Variants in RNMT observed in about 807,000 individuals in gnomAD.
The protein encoded by RNMT is mRNA cap guanine-N(7) methyltransferase.
RNMT carries 27 observed loss-of-function variants against 56.0 expected under a neutral mutation model. The observed-to-expected ratio is 0.48, with a 90% CI of 0.36 to 0.67. RNMT has a LOEUF of 0.67. Ranked by LOEUF, RNMT falls within the 30% of genes least tolerant of loss-of-function variation. RNMT has a pLI of 0.00. For missense variants in RNMT, 519 were observed against 552.1 expected (o/e 0.94, Z 0.60); for synonymous variants, 184 against 176.2 (o/e 1.04, Z -0.35).
intron 7 of RNMT, among the ~76,000 whole-genome samples, chr18:13,741,919 T>C (rs1602014346): frequency 6.6e-6 from 1 of 152,348 alleles, no homozygotes; most frequent in Non-Finnish European, 1.5e-5. Flanking sequence ...GTTATAGTGA[T>C]AGACAAACTG....
Position 13,757,208 on chromosome 18 carries a change from G to C in RNMT, c.1394-2734G>C, listed in dbSNP as rs115581837. ...AGTGAATCTGAATCTTTTCTGCTTG[G>C]TGAAGGGTCTTTCCTCCATGGCGGA... On this transcript the variant is annotated intron_variant, in intron 11 of 11. Transcript: ENST00000383314. Among the ~76,000 whole-genome samples the C allele has an allele frequency of 8.0e-3, 1,224 of 152,198 alleles. 21 individuals are homozygous for C. The highest frequency in any genetic ancestry group is 0.028 in the African/African-American group (1,180 of 41,528).
intron 7 of RNMT, 83 bp from the exon 8 acceptor site, chr18:13,742,405 T>TC: frequency 1.5e-6 from 2 of 1,303,700 alleles, no homozygotes; most frequent in Non-Finnish European, 2.1e-6. Flanking sequence ...ATGTAGTTTT[T>TC]CACATGCATA....
intron 5 of RNMT, among the ~76,000 whole-genome samples, chr18:13,737,967 G>A (rs1251424164): frequency 1.3e-5 from 2 of 148,862 alleles, no homozygotes; most frequent in African/African-American, 5.0e-5. Flanking sequence ...TTTTTGCTAC[G>A]GAAGCCATTA....
intron 11 of RNMT, among the ~76,000 whole-genome samples, chr18:13,757,010 G>A (rs1568515748): frequency 6.6e-6 from 1 of 152,162 alleles, no homozygotes; most frequent in East Asian, 1.9e-4. Context: ...TTCAGTTCTA[G>A]ACCACCACAA....
intron 11 of RNMT, among the ~76,000 whole-genome samples, chr18:13,758,401 A>T (rs2044576584): frequency 2.0e-5 from 3 of 152,308 alleles, no homozygotes; most frequent in African/African-American, 7.2e-5. Context: ...TCTTAGCTAG[A>T]TCTTCTGCAT....
chr18:13,741,543 A>G lies in RNMT; in HGVS notation c.826A>G (p.Met276Val), dbSNP rs2149092220. ...LLIDKFRDPQ[M>V]CFDICSCQFV... ...GATTGACAAATTTCGTGACCCACAA[A>G]TGTGTTTTGACATCTGCAGTTGTCA... Residue 276 changes from methionine (M) to valine (V), a missense_variant, in exon 7 of 12, where the codon ATG (methionine) becomes GTG (valine). Physicochemically the swap from Met to Val is conservative, Grantham distance 21 (BLOSUM62 1). Transcript: ENST00000383314. 1 of 1,613,048 alleles carries G rather than the reference A, an allele frequency of 6.2e-7. No individual in the cohort carries two copies. The highest frequency in any genetic ancestry group is 8.5e-7 in the Non-Finnish European group (1 of 1,179,648).
At chr18:13,744,159 C>CTTTTTTTTTTTTTTT (rs201093998) in intron 8 of RNMT, among the ~76,000 whole-genome samples, 982 of 91,270 alleles carry the variant, frequency 0.011, 174 homozygotes, top group Non-Finnish European at 0.016. Flanking sequence ...TAGCGGTCTT[C>CTTTTTTTTTTTTTTT]TTTTTTTTTT....
At chr18:13,754,195 T>C (rs2044505104) in intron 11 of RNMT, 48 bp downstream of exon 11, 2 of 1,292,802 alleles carry the variant, frequency 1.5e-6, no homozygotes, top group Admixed American at 1.8e-5. Context: ...AAAAGTCCTG[T>C]TTCAAAGTGA....
chr18:13,731,113 A>C (rs1274099235), intron 2 of RNMT, among the ~76,000 whole-genome samples: 1 of 152,260 alleles, frequency 6.6e-6, no homozygotes, highest in Non-Finnish European at 1.5e-5. Flanking sequence ...AATTCTAGTT[A>C]AAATTATTTT....
Position 13,746,142 on chromosome 18 carries a change from T to A in RNMT, c.1140-78T>A, listed in dbSNP as rs796120264. The A allele has an allele frequency of 6.8e-6, 5 of 732,804 alleles. No homozygotes were observed. In the African/African-American group the frequency reaches 8.9e-5, roughly 13 times the overall value. The allele number at this position is 732,804 out of a possible 1,614,324, so 45.4% of individuals were successfully genotyped here. A position where few individuals can be genotyped will look rare whatever the true frequency, so the allele number is the denominator to read the frequency against. ...AGCTTTTTTAGTTAAGTCCAGAAGA[T>A]GTCATTGCTGTACAAAAGTAAGTTG... On this transcript the variant is annotated intron_variant, in intron 8 of 11. Coordinates refer to ENST00000383314, the MANE Select transcript of RNMT (RefSeq NM_003799.3).
At chr18:13,747,939 G>A (rs1467291616) in intron 9 of RNMT, among the ~76,000 whole-genome samples, 2 of 152,186 alleles carry the variant, frequency 1.3e-5, no homozygotes, top group African/African-American at 4.8e-5. Flanking sequence ...TTGCATGATA[G>A]TGGTCAATTA....
At chr18:13,749,562 G>A (rs1035887100) in intron 9 of RNMT, among the ~76,000 whole-genome samples, 1 of 152,204 alleles carries the variant, frequency 6.6e-6, no homozygotes, top group South Asian at 2.1e-4. Context: ...GGAGTTGTAC[G>A]TTTAAAGTGC....
In RNMT at chr18:13,741,676, A is replaced by G. The variant is rs1356090650; in HGVS notation, c.959A>G (p.Asn320Ser). 1.2e-6 allele frequency: 2 copies of G among 1,604,852 alleles called. No homozygotes were observed. Among genetic ancestry groups the G allele is most frequent in the Admixed American group, 1.7e-5 (1 of 58,236 alleles). ...GGCTATTTTATTGGTACTACTCCCA[A>G]TAGCTTTGAATTGATGTAAGTACTT... Reference protein sequence around the residue: ...PGGYFIGTTPNSFELIRRLEA... With the variant: ...PGGYFIGTTPSSFELIRRLEA... The change falls in exon 7 of 12, where the codon AAT (asparagine) becomes AGT (serine). Residue 320 changes from asparagine (N) to serine (S), a missense_variant. Coordinates refer to ENST00000383314, the MANE Select transcript of RNMT (RefSeq NM_003799.3).
At chr18:13,755,927 T>C (rs1452149671) in intron 11 of RNMT, among the ~76,000 whole-genome samples, 3 of 152,226 alleles carry the variant, frequency 2.0e-5, no homozygotes, top group African/African-American at 7.2e-5. Flanking sequence ...CCCCAGACAA[T>C]TGGAAGAGAT....
chr18:13,741,507 C>A lies in RNMT; in HGVS notation c.793-3C>A. On this transcript the variant is annotated splice_region_variant and splice_polypyrimidine_tract_variant and intron_variant, in intron 6 of 11. Coordinates refer to ENST00000383314, the MANE Select transcript of RNMT (RefSeq NM_003799.3). ...AATCTTAACTCATTTTAATTTGTTT[C>A]AGGAACTTCTGATTGACAAATTTCG... is the stretch of plus-strand genomic sequence containing the variant. 6.2e-7 allele frequency: 1 copy of A among 1,606,132 alleles called. No individual in the cohort carries two copies. The highest frequency in any genetic ancestry group is 1.1e-5 in the South Asian group (1 of 89,598).
Position 13,742,608 on chromosome 18 carries a change from T to C in RNMT, c.1095T>C (p.Val365=), listed in dbSNP as rs752090236. ...GCKYDFNLEG[V]VDVPEFLVYF... is the part of the protein sequence containing the mutation. ...AATATGACTTCAACTTGGAAGGTGT[T>C]GTGGATGTTCCTGAATTCTTGGTCT... The change falls in exon 8 of 12, where the codon GTT becomes GTC. Residue 365 remains valine, a synonymous_variant. Coordinates refer to ENST00000383314, the MANE Select transcript of RNMT (RefSeq NM_003799.3). The C allele has an allele frequency of 1.2e-6, 2 of 1,613,790 alleles. No homozygotes were observed.
Position 13,746,446 on chromosome 18 carries a change from T to C in RNMT, c.1257+109T>C, listed in dbSNP as rs1408176523. The C allele has an allele frequency of 6.9e-6, 5 of 723,126 alleles. No individual in the cohort carries two copies. In the Admixed American group the frequency reaches 9.6e-5, roughly 14 times the overall value. 44.8% of individuals were successfully genotyped at this position (723,126 alleles called of 1,614,324 possible). A position where few individuals can be genotyped will look rare whatever the true frequency, so the allele number is the denominator to read the frequency against. The stretch of plus-strand genomic sequence containing the variant: ...CATGAAATAGTTATGTGTATTACGC[T>C]CTTCAGCACCTAGGACGGAGCTTGA... On this transcript the variant is annotated intron_variant, in intron 9 of 11. Transcript: ENST00000383314.
chr18:13,757,660 T>G (rs961592969), intron 11 of RNMT, among the ~76,000 whole-genome samples: 4 of 152,348 alleles, frequency 2.6e-5, no homozygotes, highest in Non-Finnish European at 5.9e-5. Flanking sequence ...TCCACTGATG[T>G]GTTGAACCCC....
At chr18:13,749,018 G>A (rs938624732) in intron 9 of RNMT, among the ~76,000 whole-genome samples, 1 of 152,180 alleles carries the variant, frequency 6.6e-6, no homozygotes, top group African/African-American at 2.4e-5. Context: ...GGTGGAGGTT[G>A]CAGTGAGCGA....
Sources: allele counts gnomAD v4.1 joint callset (sites outside exome capture counted in the v4.1 genomes callset), GRCh38; gene constraint gnomAD v4.1.1; transcripts MANE v1.5; gene names NCBI Gene and HGNC (gene_info 2026-07-23, HGNC 2026-07-21).